MCM4: variants seen among roughly 807,000 people sequenced by gnomAD.
MCM4 encodes DNA replication licensing factor MCM4.
A neutral mutation model predicts 88.7 loss-of-function variants in MCM4; 60 were observed. The ratio of observed to expected loss-of-function variants is 0.68; its 90% CI spans 0.55 to 0.84. The LOEUF is 0.84. Among genes scored for constraint, MCM4 ranks in the 40% least tolerant of loss-of-function variants. The probability of loss-of-function intolerance (pLI) is 0.00; values close to 1 mark genes in which losing one functional copy is unlikely to be tolerated. For synonymous variants in MCM4, 465 were observed against 410.5 expected (o/e 1.13, Z -1.61); for missense variants, 1,149 against 1,105.5 (o/e 1.04, Z -0.56).
At chr8:47,974,599 G>T in intron 14 of MCM4, 135 bp from the exon 15 acceptor site, 1 of 709,144 alleles carries the variant, frequency 1.4e-6, no homozygotes, top group Non-Finnish European at 2.5e-6. Flanking sequence ...TCTACCACTT[G>T]ATGAGCTCCG....
In MCM4 at chr8:47,961,143, C is replaced by G; in HGVS notation, c.-2C>G. On this transcript the variant is annotated 5_prime_UTR_variant, in exon 2 of 17. Transcript: ENST00000649973. Reference sequence around the variant, plus strand: ...CCTTGTCGCGCAGGTACTCCGAGCACTATGTCGTCCCCGGCGTCGACCCCG... The same window carrying G: ...CCTTGTCGCGCAGGTACTCCGAGCAGTATGTCGTCCCCGGCGTCGACCCCG... The G allele has an allele frequency of 1.9e-6, 3 of 1,553,746 alleles. No homozygotes were observed. The highest frequency in any genetic ancestry group is 2.6e-6 in the Non-Finnish European group (3 of 1,159,876).
intron 16 of MCM4, 32 bp downstream of exon 16, chr8:47,975,880 G>A (rs765045642): frequency 3.0e-5 from 43 of 1,419,376 alleles, no homozygotes; most frequent in Middle Eastern, 4.3e-4. Context: ...TTGTTTGATA[G>A]AGCTTTCTCT....
At position 47,970,567 on chromosome 8, in the gene MCM4, G is replaced by C. The variant is rs781098847; in HGVS notation, c.1491G>C (p.Arg497Ser). 1.9e-6 allele frequency: 3 copies of C among 1,613,894 alleles called. No homozygotes were observed. Among genetic ancestry groups the C allele is most frequent in the Admixed American group, 1.7e-5 (1 of 60,014 alleles). ...GGAAGGATTTTAGTCACACTGGAAGGGGCAAATTTCGGGCTGAGATCAACA... is the reference window on the plus strand; with the variant it reads ...GGAAGGATTTTAGTCACACTGGAAGCGGCAAATTTCGGGCTGAGATCAACA... ...GTRKDFSHTGRGKFRAEINIL... is the reference protein window; with the variant it reads ...GTRKDFSHTGSGKFRAEINIL... Residue 497 changes from arginine to serine, a missense_variant, in exon 12 of 17, where the codon AGG becomes AGC. This residue lies in a region of MCM4 where 906 missense variants were observed against 843.0 expected (regional missense o/e 1.07). Transcript: ENST00000649973.
Position 47,970,737 on chromosome 8 carries a change from G to A in MCM4, c.1661G>A (p.Arg554Lys), listed in dbSNP as rs921501374. 44 of 1,614,094 alleles carry A rather than the reference G, an allele frequency of 2.7e-5. No individual in the cohort carries two copies. Among genetic ancestry groups the A allele is most frequent in the Non-Finnish European group, 3.4e-5 (40 of 1,180,058 alleles). ...TACGTAATGAAAGACCCTGAGACAA[G>A]GCAGCTGGTCCTGCAGACAGGTGCT... ...TAYVMKDPET[R>K]QLVLQTGALV... Residue 554 changes from arginine (R) to lysine (K), a missense_variant, in exon 12 of 17, where the codon AGG becomes AAG. By Grantham distance (26) the Arg-to-Lys change is conservative (BLOSUM62 2). Transcript: ENST00000649973.
In MCM4 at chr8:47,970,626, C is replaced by A; in HGVS notation, c.1550C>A (p.Ser517Tyr). 6.2e-7 allele frequency: 1 copy of A among 1,614,124 alleles called. No homozygotes were observed. The highest frequency in any genetic ancestry group is 8.5e-7 in the Non-Finnish European group (1 of 1,180,026). ...LLCGDPGTSKSQLLQYVYNLV... is the reference protein window; with the variant it reads ...LLCGDPGTSKYQLLQYVYNLV... Reference sequence around the variant, plus strand: ...TGTGGCGACCCTGGTACCAGCAAGTCCCAGCTGCTGCAGTACGTGTACAAC... The same window carrying A: ...TGTGGCGACCCTGGTACCAGCAAGTACCAGCTGCTGCAGTACGTGTACAAC... Residue 517 changes from serine (S) to tyrosine (Y), a missense_variant, in exon 12 of 17, where the codon TCC becomes TAC. Transcript: ENST00000649973.
chr8:47,974,545 G>A (rs571765717), intron 14 of MCM4, 189 bp from the exon 15 acceptor site: 20 of 597,448 alleles, frequency 3.3e-5, no homozygotes, highest in Middle Eastern at 4.6e-4. Flanking sequence ...CACGCTGCAC[G>A]TTGATGTCTT....
chr8:47,968,843 C>T (rs17334423), intron 10 of MCM4, among the ~76,000 whole-genome samples: 5 of 152,008 alleles, frequency 3.3e-5, no homozygotes, highest in Admixed American at 6.6e-5. Flanking sequence ...CCAGAAAAGA[C>T]GAACATCAGA....
chr8:47,961,652 T>A lies in MCM4; in HGVS notation c.207T>A (p.Phe69Leu). 1 of 1,611,904 alleles carries A rather than the reference T, an allele frequency of 6.2e-7. No homozygotes were observed. Among genetic ancestry groups the A allele is most frequent in the Non-Finnish European group, 8.5e-7 (1 of 1,178,450 alleles). ...GCCCTGCTGCGCAGGACGTGCTGTT[T>A]TCCAGCCCTCCCCAAATGCATTCTT... The part of the protein sequence containing the change: ...LQSPAAQDVL[F>L]SSPPQMHSSA... The change falls in exon 3 of 17, where the codon TTT (phenylalanine) becomes TTA (leucine). Residue 69 changes from phenylalanine (F) to leucine (L), a missense_variant. Phe to Leu is a conservative substitution (Grantham distance 22, BLOSUM62 0). Around this residue, in one of 3 missense-constraint regions of MCM4, gnomAD observed 906 missense variants for 843.0 expected, o/e 1.07. Coordinates refer to ENST00000649973, the MANE Select transcript of MCM4 (RefSeq NM_182746.3).
At chr8:47,973,808 GT>G (rs1358492961) in intron 14 of MCM4, 1 of 152,166 alleles carries the variant, frequency 6.6e-6, no homozygotes, top group African/African-American at 2.4e-5. Flanking sequence ...TTTTATAACT[GT>G]TTATTACTTC....
rs2090967849 is a variant in MCM4 at position 47,972,891 on chromosome 8, G to A, written c.1963G>A (p.Asp655Asn). 17 of 1,614,006 alleles carry A rather than the reference G, an allele frequency of 1.1e-5. No homozygotes were observed. Among genetic ancestry groups the A allele is most frequent in the Non-Finnish European group, 1.2e-5 (14 of 1,180,026 alleles). The change falls in exon 14 of 17, where the codon GAC (aspartate) becomes AAC (asparagine). Residue 655 changes from aspartate (D) to asparagine (N), a missense_variant. This residue lies in a region of MCM4 where 906 missense variants were observed against 843.0 expected (regional missense o/e 1.07). Transcript: ENST00000649973. Reference sequence around the variant, plus strand: ...GATCTTCCTCTTGCTGGACCCTCAGGACGAAGCCTATGACAGGCGTCTGGC... The same window carrying A: ...GATCTTCCTCTTGCTGGACCCTCAGAACGAAGCCTATGACAGGCGTCTGGC... ...DLIFLLLDPQ[D>N]EAYDRRLAHH...
chr8:47,962,167 A>G lies in MCM4; in HGVS notation c.350A>G (p.Asp117Gly). 1 of 1,614,206 alleles carries G rather than the reference A, an allele frequency of 6.2e-7. No individual in the cohort carries two copies. The highest frequency in any genetic ancestry group is 8.5e-7 in the Non-Finnish European group (1 of 1,180,048). ...GGCACACCTGTGAGACAGAGGCCTG[A>G]CCTGGGCTCTGCACAGAAGGGCCTG... ...VRGTPVRQRP[D>G]LGSAQKGLQV... The change falls in exon 4 of 17, where the codon GAC (aspartate) becomes GGC (glycine). Residue 117 changes from aspartate (D) to glycine (G), a missense_variant. Asp to Gly is a moderately conservative substitution (Grantham distance 94, BLOSUM62 -1). This residue lies in a region of MCM4 where 906 missense variants were observed against 843.0 expected (regional missense o/e 1.07). Transcript: ENST00000649973.
At chr8:47,966,480 C>T (rs1589830059) in intron 9 of MCM4, 73 bp downstream of exon 9, 2 of 1,398,578 alleles carry the variant, frequency 1.4e-6, no homozygotes, top group African/African-American at 1.4e-5. Context: ...TATAACTTGT[C>T]CCTCGGACCC....
chr8:47,969,674 C>T, intron 10 of MCM4, 124 bp from the exon 11 acceptor site: 1 of 917,596 alleles, frequency 1.1e-6, no homozygotes, highest in Non-Finnish European at 1.7e-6. Context: ...TGGAGCTCAC[C>T]CTTTCCAGGG....
At chr8:47,968,883 T>C (rs2090924501) in intron 10 of MCM4, 2 of 151,924 alleles carry the variant, frequency 1.3e-5, no homozygotes, top group Non-Finnish European at 1.5e-5. Flanking sequence ...GAGCCTGGCT[T>C]CCAGAAGAAT....
At chr8:47,975,885 TTC>T in intron 16 of MCM4, 37 bp downstream of exon 16, 2 of 1,408,776 alleles carry the variant, frequency 1.4e-6, no homozygotes, top group Non-Finnish European at 1.9e-6. Flanking sequence ...TGATAGAGCT[TTC>T]TCTTTTTCCT....
At chr8:47,970,360 CA>C in intron 11 of MCM4, 150 bp from the exon 12 acceptor site, 1 of 949,914 alleles carries the variant, frequency 1.1e-6, no homozygotes, top group East Asian at 2.5e-5. Flanking sequence ...TAACTTAAAG[CA>C]TATCAAGCAC....
intron 8 of MCM4, among the ~76,000 whole-genome samples, chr8:47,965,891 T>C (rs1287696354): frequency 6.6e-6 from 1 of 152,152 alleles, no homozygotes; most frequent in East Asian, 1.9e-4. Context: ...TCTGGCTTTT[T>C]TCCTGACACA....
In MCM4 at chr8:47,972,965, G is replaced by A. The variant is rs759434295; in HGVS notation, c.2037G>A (p.Glu679=). ...ACCAGAGCGAGGAGCAGGCAGAGGAGGAGCTCCTGGACATGGCGGTGCTAA... is the reference window on the plus strand; with the variant it reads ...ACCAGAGCGAGGAGCAGGCAGAGGAAGAGCTCCTGGACATGGCGGTGCTAA... ...LYYQSEEQAE[E]ELLDMAVLKD... Residue 679 remains glutamate (E), a synonymous_variant, in exon 14 of 17, where the codon GAG becomes GAA. Coordinates refer to ENST00000649973, the MANE Select transcript of MCM4 (RefSeq NM_182746.3). 1 of 1,614,190 alleles carries A rather than the reference G, an allele frequency of 6.2e-7. No homozygotes were observed. The highest frequency in any genetic ancestry group is 1.7e-5 in the Admixed American group (1 of 60,018).
rs2091014331 is a variant in MCM4, at chr8:47,977,825, T to C, written c.*1047T>C. ...AGAGATTTTTTCTCATGGCTACTAT[T>C]AGATCAGGAATGGGTGATTGGAGAT... On this transcript the variant is annotated 3_prime_UTR_variant, in exon 17 of 17. Coordinates refer to ENST00000649973, the MANE Select transcript of MCM4 (RefSeq NM_182746.3). 6.6e-6 allele frequency: 1 copy of C among 152,120 alleles called. No individual in the cohort carries two copies. Among genetic ancestry groups the C allele is most frequent in the African/African-American group, 2.4e-5 (1 of 41,418 alleles). The allele number at this position is 152,120 out of a possible 1,614,324, so 9.4% of individuals were successfully genotyped here.
Sources: gnomAD v4.1 joint callset for allele counts (sites outside exome capture counted in the v4.1 genomes callset) on GRCh38, gnomAD v4.1.1 for gene constraint, gnomAD v4.1.1 regional missense constraint, MANE v1.5 for transcripts, NCBI Gene and HGNC (gene_info 2026-07-23, HGNC 2026-07-21) for gene names.